Variants in LDLRAD4 observed in about 807,000 individuals in gnomAD.
LDLRAD4 encodes low density lipoprotein receptor class A domain containing 4.
In LDLRAD4, 5 loss-of-function variants were observed where a neutral mutation model predicts 17.0. The observed-to-expected ratio is 0.29, with a 90% CI of 0.15 to 0.62. The LOEUF (loss-of-function observed/expected upper bound fraction) is 0.62, where lower values mean the gene tolerates loss of function less well. Among genes scored for constraint, LDLRAD4 ranks in the 20% least tolerant of loss-of-function variants. The pLI is 0.84. For missense variants in LDLRAD4, 340 were observed against 424.7 expected (o/e 0.80, Z 1.75); for synonymous variants, 168 against 171.8 (o/e 0.98, Z 0.17).
chr18:13,368,937 C>G (rs891181461), intron 1 of LDLRAD4, among the ~76,000 whole-genome samples: 8 of 152,208 alleles, frequency 5.3e-5, no homozygotes, highest in African/African-American at 1.9e-4. Context: ...GTCCTGGCCT[C>G]AAGCTATTCT....
chr18:13,569,489 A>G (rs1477755220), intron 3 of LDLRAD4, among the ~76,000 whole-genome samples: 4 of 152,342 alleles, frequency 2.6e-5, no homozygotes, highest in African/African-American at 2.4e-5. Context: ...TGTGTCTTTC[A>G]AGGAAAAAAA....
chr18:13,237,524 G>A (rs566541070), intron 1 of LDLRAD4, among the ~76,000 whole-genome samples: 6 of 152,300 alleles, frequency 3.9e-5, no homozygotes, highest in African/African-American at 1.4e-4. Flanking sequence ...CTGGTCCCAC[G>A]GCCAAGTGGA....
chr18:13,518,452 T>C (rs906638373), intron 3 of LDLRAD4, among the ~76,000 whole-genome samples: 1 of 151,572 alleles, frequency 6.6e-6, no homozygotes, highest in African/African-American at 2.4e-5. Context: ...TCCCAATGTC[T>C]TCTTTTCTTT....
At chr18:13,366,926 T>C (rs955548929) in intron 1 of LDLRAD4, among the ~76,000 whole-genome samples, 2 of 152,236 alleles carry the variant, frequency 1.3e-5, no homozygotes, top group African/African-American at 2.4e-5. Flanking sequence ...TCTTGCTCGC[T>C]GGTCCTCATT....
At chr18:13,375,427 G>C (rs946333470) in intron 1 of LDLRAD4, among the ~76,000 whole-genome samples, 1 of 152,084 alleles carries the variant, frequency 6.6e-6, no homozygotes, top group Non-Finnish European at 1.5e-5. Flanking sequence ...GAGTCATTTC[G>C]ATAGGAGTGA....
intron 3 of LDLRAD4, among the ~76,000 whole-genome samples, chr18:13,480,712 G>C (rs2093062305): frequency 6.6e-6 from 1 of 152,194 alleles, no homozygotes; most frequent in Non-Finnish European, 1.5e-5. Flanking sequence ...ATTTTGCTGT[G>C]AACCTAAAAC....
intron 1 of LDLRAD4, among the ~76,000 whole-genome samples, chr18:13,376,742 CGCTGCCTGG>C (rs762829311): frequency 7.9e-5 from 12 of 152,210 alleles, no homozygotes; most frequent in Non-Finnish European, 1.6e-4. Flanking sequence ...GTATCTTTAC[CGCTGCCTGG>C]GCTGCCTGGC....
At chr18:13,363,297 A>C (rs1050517478) in intron 1 of LDLRAD4, among the ~76,000 whole-genome samples, 4 of 143,778 alleles carry the variant, frequency 2.8e-5, no homozygotes, top group Non-Finnish European at 4.5e-5. Context: ...GCGCCACTGC[A>C]CTCCAACCTG....
intron 2 of LDLRAD4, among the ~76,000 whole-genome samples, chr18:13,416,498 A>G (rs760450547): frequency 1.3e-5 from 2 of 152,182 alleles, no homozygotes; most frequent in East Asian, 1.9e-4. Flanking sequence ...CGTCTCTGCT[A>G]TAGAGACACA....
At chr18:13,473,379 C>G (rs752924301) in intron 3 of LDLRAD4, among the ~76,000 whole-genome samples, 2 of 152,034 alleles carry the variant, frequency 1.3e-5, no homozygotes, top group Non-Finnish European at 2.9e-5. Flanking sequence ...GATTCAAAAA[C>G]CTAGTGGGGG....
At chr18:13,349,398 A>C (rs2144342560) in intron 1 of LDLRAD4, among the ~76,000 whole-genome samples, 1 of 152,342 alleles carries the variant, frequency 6.6e-6, no homozygotes, top group Middle Eastern at 3.4e-3. Flanking sequence ...CTTTAGAAGA[A>C]TAAAAAGTGG....
At chr18:13,521,895 G>GAGA (rs1601064808) in intron 3 of LDLRAD4, 1 of 150,148 alleles carries the variant, frequency 6.7e-6, no homozygotes, top group East Asian at 1.9e-4. Flanking sequence ...TGAGTAATCA[G>GAGA]CTCCAAGACT....
intron 3 of LDLRAD4, among the ~76,000 whole-genome samples, chr18:13,497,379 A>G (rs1310288800): frequency 6.6e-6 from 1 of 151,642 alleles, no homozygotes; most frequent in African/African-American, 2.4e-5. Context: ...AGGTCTCACT[A>G]TGTTGCCCAG....
intron 4 of LDLRAD4, chr18:13,642,266 C>G: frequency 1.0e-6 from 1 of 987,740 alleles, no homozygotes; most frequent in African/African-American, 1.7e-5. Context: ...AGTGATGGCC[C>G]AGCCCGCCCG....
intron 1 of LDLRAD4, among the ~76,000 whole-genome samples, chr18:13,353,341 C>A (rs972414429): frequency 6.6e-6 from 1 of 152,170 alleles, no homozygotes; most frequent in African/African-American, 2.4e-5. Flanking sequence ...AGGCTTAAGG[C>A]CTTGCTAGGC....
At chr18:13,506,714 A>G (rs1398321474) in intron 3 of LDLRAD4, among the ~76,000 whole-genome samples, 1 of 152,236 alleles carries the variant, frequency 6.6e-6, no homozygotes, top group Non-Finnish European at 1.5e-5. Flanking sequence ...GGAGAGGTCA[A>G]TGCCTGGCCT....
intron 3 of LDLRAD4, chr18:13,459,909 A>G (rs1001009604): frequency 6.5e-6 from 1 of 154,122 alleles, no homozygotes; most frequent in African/African-American, 2.4e-5. Context: ...TTAGAGGTGC[A>G]TAAACTCAAG....
chr18:13,532,416 G>A (rs1365194357), intron 3 of LDLRAD4, among the ~76,000 whole-genome samples: 1 of 152,198 alleles, frequency 6.6e-6, no homozygotes, highest in African/African-American at 2.4e-5. Flanking sequence ...AGGATTTGGT[G>A]ATCTGAGTTT....
intron 1 of LDLRAD4, among the ~76,000 whole-genome samples, chr18:13,319,012 C>T (rs1447027608): frequency 1.3e-5 from 2 of 152,228 alleles, no homozygotes; most frequent in Non-Finnish European, 2.9e-5. Flanking sequence ...CTCACAGTAA[C>T]TGTTGGTGAA....
Sources: gnomAD v4.1 joint callset for allele counts (sites outside exome capture counted in the v4.1 genomes callset) on GRCh38, gnomAD v4.1.1 for gene constraint, MANE v1.5 for transcripts, NCBI Gene and HGNC (gene_info 2026-07-23, HGNC 2026-07-21) for gene names.